MSN: variants seen among roughly 807,000 people sequenced by gnomAD.
MSN encodes epididymis luminal protein 70.
Under a neutral mutation model 48.0 loss-of-function variants are expected in MSN, and 2 were observed. The ratio of observed to expected loss-of-function variants is 0.04; its 90% CI spans 0.02 to 0.13. The LOEUF (loss-of-function observed/expected upper bound fraction) is 0.13. Among genes scored for constraint, MSN ranks in the 10% least tolerant of loss-of-function variants. The pLI, the probability that MSN is intolerant of heterozygous loss-of-function variation, is 1.00. For synonymous variants in MSN, 146 were observed against 166.9 expected, an observed-to-expected ratio of 0.87 and a Z score of 0.97; for missense variants, 267 against 470.1, an observed-to-expected ratio of 0.57 and a Z score of 3.99.
intron 1 of MSN, among the ~76,000 whole-genome samples, chrX:65,642,533 G>T (rs2070665347): frequency 8.9e-6 from 1 of 112,070 alleles, no homozygotes; most frequent in South Asian, 3.7e-4. Flanking sequence ...TGACAAACTG[G>T]AGTCTGTCCA....
chrX:65,700,343 T>A (rs998557134), intron 1 of MSN, among the ~76,000 whole-genome samples: 3 of 111,669 alleles, frequency 2.7e-5, no homozygotes, highest in African/African-American at 9.8e-5. Context: ...TGTCAGGTAT[T>A]TGTGAAGAGA....
In MSN at chrX:65,740,096, T is replaced by G. The variant is rs1284835227; in HGVS notation, c.*203T>G. 5.6e-6 allele frequency: 2 copies of G among 360,324 alleles called. No homozygotes were observed. The highest frequency in any genetic ancestry group is 5.1e-5 in the African/African-American group (2 of 39,306). 29.7% of individuals were successfully genotyped at this position (360,324 alleles called of 1,213,427 possible). On this transcript the variant is annotated 3_prime_UTR_variant, in exon 13 of 13. Coordinates refer to ENST00000360270, the MANE Select transcript of MSN (RefSeq NM_002444.3). ...TGGGCAAATGAATGGCTCACTATGG[T>G]GCCAATGGAACCTCCTTTCTCTTCT...
In MSN at chrX:65,741,078, C is replaced by G. The variant is rs1332755611; in HGVS notation, c.*1185C>G. On this transcript the variant is annotated 3_prime_UTR_variant, in exon 13 of 13. Transcript: ENST00000360270. ...TGACCAAAATCCCCTTCTCATCACT[C>G]CCCTCCAAAGAGGTGACTGGGCCCT... is the stretch of plus-strand genomic sequence containing the variant. The G allele has an allele frequency of 2.4e-5, 4 of 167,349 alleles. No homozygotes were observed. The allele number at this position is 167,349 out of a possible 1,213,427, so 13.8% of individuals were successfully genotyped here.
chrX:65,649,628 C>T lies in MSN; in HGVS notation c.-22+61016C>T, dbSNP rs765842396. Among the ~76,000 whole-genome samples, 10 of 100,563 alleles carry T rather than the reference C, an allele frequency of 9.9e-5. No individual in the cohort carries two copies. The South Asian group carries it at 2.3e-3, about 23-fold the overall frequency. 87.3% of individuals were successfully genotyped at this position (100,563 alleles called of 115,157 possible). ...ATTTGTGTGTGTGTGTGTGTGTATG[C>T]GCGTGTGTATATGTATGTGTGTGTA... On this transcript the variant is annotated intron_variant, in intron 1 of 3. Transcript: ENST00000609672.
rs772466963 is a variant in MSN at position 65,721,486 on chromosome X, G to A, written c.96+4585G>A. ...CTGAGAGTTCAGATGAGGGAGCTAT[G>A]AAATCAGGAAGTTCTTCTGGCTCAG... On this transcript the variant is annotated intron_variant, in intron 2 of 12. Transcript: ENST00000360270. Among the ~76,000 whole-genome samples the A allele has an allele frequency of 3.0e-4, 33 of 109,936 alleles. No individual in the cohort carries two copies. In the South Asian group the frequency reaches 0.01, roughly 33 times the overall value.
chrX:65,656,990 T>C (rs187218511), intron 1 of MSN, among the ~76,000 whole-genome samples: 1 of 111,796 alleles, frequency 8.9e-6, no homozygotes, highest in East Asian at 2.8e-4. Flanking sequence ...GATCACCAAA[T>C]GACCATGTGG....
At chrX:65,716,978 C>G (rs953002949) in intron 2 of MSN, 77 bp downstream of exon 2, 2 of 912,750 alleles carry the variant, frequency 2.2e-6, no homozygotes, top group African/African-American at 3.9e-5. Context: ...ATGACTTTTG[C>G]CTCTTGTCAA....
At chrX:65,719,782 C>A (rs1464835584) in intron 2 of MSN, among the ~76,000 whole-genome samples, 1 of 111,795 alleles carries the variant, frequency 8.9e-6, no homozygotes, top group Non-Finnish European at 1.9e-5. Context: ...CTACCCTCAA[C>A]ACTGGGGGCT....
At chrX:65,702,310 G>A (rs976406450) in intron 1 of MSN, among the ~76,000 whole-genome samples, 2 of 107,670 alleles carry the variant, frequency 1.9e-5, no homozygotes, top group African/African-American at 6.8e-5. Flanking sequence ...ACCGCACCCG[G>A]CCTTTCAGTT....
chrX:65,655,590 T>C (rs1425998000), intron 1 of MSN, among the ~76,000 whole-genome samples: 1 of 112,317 alleles, frequency 8.9e-6, no homozygotes, highest in East Asian at 2.8e-4. Flanking sequence ...GCTGTGACTA[T>C]ACAAACCTTC....
intron 1 of MSN, chrX:65,625,764 A>T (rs1194834992): frequency 9.0e-6 from 1 of 111,294 alleles, no homozygotes; most frequent in Non-Finnish European, 1.9e-5. Context: ...ATTTACATTT[A>T]AAGTGATTAC....
intron 1 of MSN, among the ~76,000 whole-genome samples, chrX:65,630,197 C>A (rs758338473): frequency 9.3e-6 from 1 of 107,865 alleles, no homozygotes; most frequent in Admixed American, 1.0e-4. Context: ...AAAAAGTGTA[C>A]AATTCATTGG....
rs755438400 is a variant in MSN at position 65,620,714 on chromosome X, C to T, written c.-22+32102C>T. On this transcript the variant is annotated intron_variant, in intron 1 of 3. Transcript: ENST00000609672. ...GCTGTAGACCGGAGCTGCTCCTATT[C>T]GGCCATCTTGGCTCCTCCTCCTCCA... Among the ~76,000 whole-genome samples the T allele has an allele frequency of 5.4e-5, 6 of 111,755 alleles. 1 individual carries two copies. In the South Asian group the frequency reaches 1.1e-3, roughly 21 times the overall value.
At chrX:65,674,655 A>G (rs1429238568) in intron 1 of MSN, among the ~76,000 whole-genome samples, 3 of 111,991 alleles carry the variant, frequency 2.7e-5, no homozygotes, top group African/African-American at 9.7e-5. Flanking sequence ...GGAGAACAGT[A>G]TGGCACTTTT....
chrX:65,599,814 C>T (rs1041375883), intron 1 of MSN, among the ~76,000 whole-genome samples: 7 of 110,511 alleles, frequency 6.3e-5, no homozygotes, highest in African/African-American at 2.3e-4. Flanking sequence ...TTTGGTCACC[C>T]CATGAATGAC....
chrX:65,615,049 G>T (rs1228632114), intron 1 of MSN, among the ~76,000 whole-genome samples: 1 of 102,882 alleles, frequency 9.7e-6, no homozygotes, highest in Non-Finnish European at 2.0e-5. Flanking sequence ...ATTTTTTATG[G>T]CTGCATAGTA....
chrX:65,604,660 A>T (rs781559356), intron 1 of MSN, among the ~76,000 whole-genome samples: 1 of 111,973 alleles, frequency 8.9e-6, no homozygotes, highest in Non-Finnish European at 1.9e-5. Flanking sequence ...ACCTCAGTGA[A>T]TGGCTCCACC....
At chrX:65,625,920 T>C (rs940128574) in intron 1 of MSN, 14 of 110,295 alleles carry the variant, frequency 1.3e-4, no homozygotes, top group Admixed American at 1.3e-3. Flanking sequence ...GTCCAAGTTT[T>C]CCTTTAGCTG....
chrX:65,727,401 G>A (rs952682004), intron 2 of MSN, among the ~76,000 whole-genome samples: 1 of 111,869 alleles, frequency 8.9e-6, no homozygotes, highest in East Asian at 2.8e-4. Flanking sequence ...GGATATGCAT[G>A]GATTTGGAGT....
Sources: gnomAD v4.1 joint callset for allele counts (sites outside exome capture counted in the v4.1 genomes callset) on GRCh38, gnomAD v4.1.1 for gene constraint, MANE v1.5 for transcripts, NCBI Gene and HGNC (gene_info 2026-07-23, HGNC 2026-07-21) for gene names.